Variants in EXOC6 observed in about 807,000 individuals in gnomAD.
EXOC6 encodes the protein exocyst complex component 6.
Under a neutral mutation model 112.5 loss-of-function variants are expected in EXOC6, and 60 were observed. That is an observed-to-expected ratio of 0.53 (90% confidence interval 0.43 to 0.66). EXOC6 has a LOEUF of 0.66. EXOC6 is among the 30% of genes least tolerant of loss of function. The pLI, the probability that EXOC6 is intolerant of heterozygous loss-of-function variation, is 0.00. For synonymous variants in EXOC6, 295 were observed against 308.0 expected (o/e 0.96, Z 0.44); for missense variants, 855 against 957.1 (o/e 0.89, Z 1.41).
chr10:93,048,931 A>G (rs1846141520), intron 20 of EXOC6, among the ~76,000 whole-genome samples: 1 of 152,162 alleles, frequency 6.6e-6, no homozygotes, highest in South Asian at 2.1e-4. Context: ...TAATGTTCTT[A>G]TACTGCTAAA....
At chr10:92,965,896 A>G (rs1842025884) in intron 17 of EXOC6, among the ~76,000 whole-genome samples, 1 of 152,206 alleles carries the variant, frequency 6.6e-6, no homozygotes. Flanking sequence ...GTTGACTTTA[A>G]TCATATTCCT....
chr10:92,927,698 T>C (rs1006807970), intron 8 of EXOC6, among the ~76,000 whole-genome samples: 1 of 152,052 alleles, frequency 6.6e-6, no homozygotes, highest in Non-Finnish European at 1.5e-5. Context: ...AATTATAGCA[T>C]GGTATAAGTG....
At chr10:92,895,479 A>G (rs74763222) in intron 4 of EXOC6, among the ~76,000 whole-genome samples, 63 of 152,276 alleles carry the variant, frequency 4.1e-4, no homozygotes, top group African/African-American at 1.4e-3. Context: ...TAAGAAAAAC[A>G]TCAAAAGAGC....
intron 19 of EXOC6, among the ~76,000 whole-genome samples, chr10:93,003,181 G>GT (rs2134198440): frequency 6.6e-6 from 1 of 152,270 alleles, no homozygotes; most frequent in South Asian, 2.1e-4. Context: ...GAATCCAAAT[G>GT]TTTATTTTCC....
chr10:93,027,572 G>A (rs1024763952), intron 20 of EXOC6, among the ~76,000 whole-genome samples: 2 of 152,208 alleles, frequency 1.3e-5, no homozygotes, highest in African/African-American at 4.8e-5. Context: ...GTTGAAGCCA[G>A]TATTCAATGA....
Position 92,928,351 on chromosome 10 carries a change from A to T in EXOC6, c.901A>T (p.Thr301Ser). Residue 301 changes from threonine to serine, a missense_variant, in exon 9 of 22, where the codon ACA becomes TCA. Thr to Ser is a moderately conservative substitution (Grantham distance 58, BLOSUM62 1). This residue lies in a region of EXOC6 where 405 missense variants were observed against 393.6 expected (regional missense o/e 1.03). Coordinates refer to ENST00000260762, the MANE Select transcript of EXOC6 (RefSeq NM_019053.6). ...GATTTTATTTTAGGGTGACGAGGAAACATTTGAAAACTATTATCGAAAACA... is the reference window on the plus strand; with the variant it reads ...GATTTTATTTTAGGGTGACGAGGAATCATTTGAAAACTATTATCGAAAACA... ...HIYSVLGDEE[T>S]FENYYRKQRK... 1 of 1,606,780 alleles carries T rather than the reference A, an allele frequency of 6.2e-7. No homozygotes were observed. The highest frequency in any genetic ancestry group is 8.5e-7 in the Non-Finnish European group (1 of 1,175,290).
At chr10:92,984,008 A>T (rs1166516554) in intron 18 of EXOC6, among the ~76,000 whole-genome samples, 1 of 152,290 alleles carries the variant, frequency 6.6e-6, no homozygotes, top group South Asian at 2.1e-4. Context: ...CATTCTGACA[A>T]CCACAATCAA....
intron 1 of EXOC6, among the ~76,000 whole-genome samples, chr10:92,891,181 G>A (rs1849481016): frequency 6.6e-6 from 1 of 152,178 alleles, no homozygotes; most frequent in African/African-American, 2.4e-5. Context: ...CAGGTTTTGT[G>A]AAAGGAGATC....
intron 17 of EXOC6, among the ~76,000 whole-genome samples, chr10:92,962,933 A>G (rs1854095681): frequency 6.6e-6 from 1 of 152,160 alleles, no homozygotes; most frequent in Admixed American, 6.5e-5. Context: ...GCCTACGGTA[A>G]ATACCCTGCC....
chr10:92,891,221 GCTT>G (rs1419884620), intron 1 of EXOC6, among the ~76,000 whole-genome samples: 1 of 152,130 alleles, frequency 6.6e-6, no homozygotes. Flanking sequence ...TATTTGAGGT[GCTT>G]ATCAGACATC....
Position 92,919,985 on chromosome 10 carries a change from T to G in EXOC6, c.823T>G (p.Leu275Val). ...TTAAAAATGGTTTAATTTTCAGATCTTAACTGTTCAGGATCTTGTTGATTT... is the reference window on the plus strand; with the variant it reads ...TTAAAAATGGTTTAATTTTCAGATCGTAACTGTTCAGGATCTTGTTGATTT... ...EEEDENEEEI[L>V]TVQDLVDFSP... Residue 275 changes from leucine (L) to valine (V), a missense_variant, in exon 8 of 22, where the codon TTA becomes GTA. Leu to Val is a conservative substitution (Grantham distance 32). Around this residue, in one of 2 missense-constraint regions of EXOC6, gnomAD observed 405 missense variants for 393.6 expected, o/e 1.03. Coordinates refer to ENST00000260762, the MANE Select transcript of EXOC6 (RefSeq NM_019053.6). 6.3e-7 allele frequency: 1 copy of G among 1,597,726 alleles called. No homozygotes were observed. Among genetic ancestry groups the G allele is most frequent in the South Asian group, 1.1e-5 (1 of 88,196 alleles).
At chr10:92,961,376 T>A (rs1481981444) in intron 17 of EXOC6, among the ~76,000 whole-genome samples, 1 of 152,196 alleles carries the variant, frequency 6.6e-6, no homozygotes, top group Non-Finnish European at 1.5e-5. Context: ...TTTTCTGGTC[T>A]TCCCCCATTA....
intron 17 of EXOC6, among the ~76,000 whole-genome samples, chr10:92,963,842 G>A (rs907679302): frequency 6.6e-6 from 1 of 152,034 alleles, no homozygotes; most frequent in Non-Finnish European, 1.5e-5. Flanking sequence ...TTCAGTTCTT[G>A]TAATTCCTAC....
At position 92,976,678 on chromosome 10, in the gene EXOC6, TA is replaced by T. The variant is rs59201153; in HGVS notation, c.1953+2459del. ...ATCAGTAAAAAAAAAAATAATAAAT[TA>T]AAAAAAAAAAAACATAATTAATGGC... On this transcript the variant is annotated intron_variant, in intron 18 of 21. Transcript: ENST00000260762. Among the ~76,000 whole-genome samples, 811 of 141,050 alleles carry T rather than the reference TA, an allele frequency of 5.7e-3. 3 individuals are homozygous for T. The highest frequency in any genetic ancestry group is 0.013 in the African/African-American group (511 of 38,398). The allele number at this position is 141,050 out of a possible 152,430, so 92.5% of individuals were successfully genotyped here.
At chr10:92,934,082 G>A in intron 9 of EXOC6, 62 bp from the exon 10 acceptor site, 2 of 1,025,364 alleles carry the variant, frequency 2.0e-6, no homozygotes, top group Non-Finnish European at 2.9e-6. Context: ...TAGTGACTTG[G>A]AACTTACCTT....
intron 18 of EXOC6, 131 bp downstream of exon 18, chr10:92,974,363 AT>A (rs1410178109): frequency 3.8e-6 from 2 of 523,452 alleles, no homozygotes; most frequent in Non-Finnish European, 6.4e-6. Flanking sequence ...TTATAAATCC[AT>A]TTGTAAGGAA....
chr10:92,940,928 TAGTAA>T, intron 13 of EXOC6, 104 bp downstream of exon 13: 1 of 779,096 alleles, frequency 1.3e-6, no homozygotes, highest in Non-Finnish European at 2.1e-6. Context: ...ATTTTTATTG[TAGTAA>T]AGTACACATA....
rs1845372577 is a variant in EXOC6 at position 93,033,595 on chromosome 10, A to G, written c.2169+19328A>G. The stretch of plus-strand genomic sequence containing the variant: ...GTTAACTAAGTTAAATTTGTCTTGC[A>G]TATGTTTTTGTAAATTGCCTTAAAA... On this transcript the variant is annotated intron_variant, in intron 20 of 21. Coordinates refer to ENST00000260762, the MANE Select transcript of EXOC6 (RefSeq NM_019053.6). Among the ~76,000 whole-genome samples the G allele has an allele frequency of 3.3e-5, 5 of 152,278 alleles. No homozygotes were observed. In the South Asian group the frequency reaches 1.0e-3, roughly 32 times the overall value.
At chr10:92,946,421 T>TTTCA (rs1211009195) in intron 13 of EXOC6, among the ~76,000 whole-genome samples, 2 of 152,140 alleles carry the variant, frequency 1.3e-5, no homozygotes, top group African/African-American at 4.8e-5. Flanking sequence ...AAAGTAAAGC[T>TTTCA]TTCATTTATG....
Sources: allele counts gnomAD v4.1 joint callset (sites outside exome capture counted in the v4.1 genomes callset), GRCh38; gene constraint gnomAD v4.1.1; regional missense constraint gnomAD v4.1.1; transcripts MANE v1.5; gene names NCBI Gene and HGNC (gene_info 2026-07-23, HGNC 2026-07-21).